Variants in ANKIB1 observed in about 807,000 individuals in gnomAD.
ANKIB1 encodes ankyrin repeat and IBR domain containing 1, also known as ankyrin repeat and IBR domain-containing protein 1.
Under a neutral mutation model 122.1 loss-of-function variants are expected in ANKIB1, and 43 were observed. The ratio of observed to expected loss-of-function variants is 0.35; its 90% CI spans 0.28 to 0.45. The LOEUF is 0.45. Ranked by LOEUF, ANKIB1 falls within the 20% of genes least tolerant of loss-of-function variation. The pLI is 1.00. For synonymous variants in ANKIB1, 390 were observed against 442.0 expected (o/e 0.88, Z 1.48); for missense variants, 992 against 1,329.5 (o/e 0.75, Z 3.95).
intron 2 of ANKIB1, among the ~76,000 whole-genome samples, chr7:92,306,999 G>A (rs1562777186): frequency 6.6e-6 from 1 of 152,194 alleles, no homozygotes; most frequent in East Asian, 1.9e-4. Flanking sequence ...ACACCCTTAG[G>A]CATCTGTATA....
chr7:92,282,031 G>T (rs1490143840), intron 1 of ANKIB1, among the ~76,000 whole-genome samples: 3 of 152,120 alleles, frequency 2.0e-5, no homozygotes, highest in African/African-American at 7.2e-5. Context: ...TTTGACTATA[G>T]ATTTCTAAAC....
At chr7:92,393,047 T>C (rs1397581239) in intron 17 of ANKIB1, among the ~76,000 whole-genome samples, 1 of 152,080 alleles carries the variant, frequency 6.6e-6, no homozygotes, top group Non-Finnish European at 1.5e-5. Flanking sequence ...TTGATGCCTA[T>C]AATATGATAA....
At chr7:92,290,716 C>T (rs966078404) in intron 1 of ANKIB1, among the ~76,000 whole-genome samples, 2 of 151,932 alleles carry the variant, frequency 1.3e-5, no homozygotes, top group Non-Finnish European at 2.9e-5. Context: ...ATTTAAGTAC[C>T]GTTGAGTTTT....
At chr7:92,272,020 G>A (rs1190788562) in intron 1 of ANKIB1, among the ~76,000 whole-genome samples, 1 of 152,186 alleles carries the variant, frequency 6.6e-6, no homozygotes, top group African/African-American at 2.4e-5. Context: ...ACTAGGGGAA[G>A]GGGAAATGAA....
chr7:92,306,158 G>A (rs554968167), intron 2 of ANKIB1, among the ~76,000 whole-genome samples: 40 of 152,072 alleles, frequency 2.6e-4, no homozygotes, highest in Admixed American at 1.8e-3. Context: ...TGTTGCTGCT[G>A]TCACAAAGTG....
chr7:92,352,861 C>T (rs1162957416), intron 9 of ANKIB1, among the ~76,000 whole-genome samples: 1 of 152,126 alleles, frequency 6.6e-6, no homozygotes, highest in African/African-American at 2.4e-5. Context: ...ATTCTCCCAA[C>T]AATGCTGAGT....
intron 8 of ANKIB1, among the ~76,000 whole-genome samples, chr7:92,351,629 T>G (rs1803664622): frequency 6.6e-6 from 1 of 152,072 alleles, no homozygotes; most frequent in Non-Finnish European, 1.5e-5. Flanking sequence ...TTTGCGTGTG[T>G]GATTTAAAAG....
rs1804962147 is a variant in ANKIB1 at position 92,399,084 on chromosome 7, G to T, written c.*135G>T. 3.1e-6 allele frequency: 3 copies of T among 980,874 alleles called. No individual in the cohort carries two copies. Among genetic ancestry groups the T allele is most frequent in the Non-Finnish European group, 4.1e-6 (3 of 730,046 alleles). The allele number at this position is 980,874 out of a possible 1,614,324, so 60.8% of individuals were successfully genotyped here. A position where few individuals can be genotyped will look rare whatever the true frequency, so the allele number is the denominator to read the frequency against. Reference sequence around the variant, plus strand: ...TGACATTAGGGTTGAATACAGAGAAGTTCCCTTGAATGGTAGCTTCATTTT... The same window carrying T: ...TGACATTAGGGTTGAATACAGAGAATTTCCCTTGAATGGTAGCTTCATTTT... On this transcript the variant is annotated 3_prime_UTR_variant, in exon 20 of 20. Transcript: ENST00000265742.
At chr7:92,309,212 G>A (rs925828188) in intron 3 of ANKIB1, among the ~76,000 whole-genome samples, 11 of 152,088 alleles carry the variant, frequency 7.2e-5, no homozygotes, top group Non-Finnish European at 1.0e-4. Context: ...GTTAGTGATG[G>A]TCATTAACTT....
chr7:92,319,723 G>A, intron 4 of ANKIB1: 1 of 513,832 alleles, frequency 1.9e-6, no homozygotes, highest in Non-Finnish European at 3.3e-6. Context: ...GGAGGCCAAG[G>A]CACCGGAGTT....
chr7:92,367,143 G>A (rs1203397799), intron 10 of ANKIB1, among the ~76,000 whole-genome samples: 3 of 152,236 alleles, frequency 2.0e-5, no homozygotes, highest in Non-Finnish European at 4.4e-5. Context: ...GATTTGGAAA[G>A]ATGGAAGAAT....
intron 5 of ANKIB1, among the ~76,000 whole-genome samples, chr7:92,342,220 CTGTGTG>C (rs1160091647): frequency 1.3e-5 from 2 of 152,164 alleles, no homozygotes; most frequent in Non-Finnish European, 2.9e-5. Context: ...TTTCAAATCT[CTGTGTG>C]AGCTTGGACA....
chr7:92,321,196 A>G (rs1030619993), intron 4 of ANKIB1, among the ~76,000 whole-genome samples: 3 of 152,206 alleles, frequency 2.0e-5, no homozygotes, highest in Admixed American at 1.3e-4. Flanking sequence ...TGTATATACA[A>G]TGTGGAATGA....
intron 5 of ANKIB1, among the ~76,000 whole-genome samples, chr7:92,339,234 G>A (rs1362809010): frequency 6.6e-6 from 1 of 150,950 alleles, no homozygotes; most frequent in Non-Finnish European, 1.5e-5. Context: ...AGTAGCGATG[G>A]GGTTTCACTG....
At chr7:92,327,636 TC>T in intron 4 of ANKIB1, 146 bp from the exon 5 acceptor site, 1 of 436,162 alleles carries the variant, frequency 2.3e-6, no homozygotes, top group South Asian at 5.7e-5. Context: ...TTTTTTTTTT[TC>T]CCAAATGTTT....
chr7:92,374,215 G>A (rs925116679), intron 11 of ANKIB1, among the ~76,000 whole-genome samples: 1 of 152,170 alleles, frequency 6.6e-6, no homozygotes, highest in Non-Finnish European at 1.5e-5. Flanking sequence ...GGTGGCTCAC[G>A]CCTGTAATCC....
intron 1 of ANKIB1, among the ~76,000 whole-genome samples, chr7:92,293,607 T>C (rs1802293703): frequency 6.6e-6 from 1 of 152,200 alleles, no homozygotes; most frequent in Non-Finnish European, 1.5e-5. Flanking sequence ...TCTTCTACAT[T>C]GTCACAATAA....
rs1450614284 is a variant in ANKIB1, at chr7:92,249,329, A to T, written c.-91+2810A>T. ...TTCCTCATTGAGGTTACCAGTCTAG[A>T]TATTTGACTGTGATTTCTATTCACC... is the stretch of plus-strand genomic sequence containing the variant. On this transcript the variant is annotated intron_variant, in intron 1 of 19. Coordinates refer to ENST00000265742, the MANE Select transcript of ANKIB1 (RefSeq NM_019004.2). 3.9e-5 allele frequency among the ~76,000 whole-genome samples: 6 copies of T among 152,208 alleles called. No homozygotes were observed. The East Asian group carries it at 9.7e-4, about 25-fold the overall frequency.
At chr7:92,292,241 T>C (rs1802264916) in intron 1 of ANKIB1, among the ~76,000 whole-genome samples, 1 of 152,208 alleles carries the variant, frequency 6.6e-6, no homozygotes, top group Non-Finnish European at 1.5e-5. Context: ...TTAGTGACTT[T>C]CTGGCTCATT....
Sources: gnomAD v4.1 joint callset for allele counts (sites outside exome capture counted in the v4.1 genomes callset) on GRCh38, gnomAD v4.1.1 for gene constraint, MANE v1.5 for transcripts, NCBI Gene and HGNC (gene_info 2026-07-23, HGNC 2026-07-21) for gene names.